BSN: variants seen among roughly 807,000 people sequenced by gnomAD.
BSN encodes the protein bassoon presynaptic cytomatrix protein.
In BSN, 57 loss-of-function variants were observed where a neutral mutation model predicts 264.8. The observed-to-expected ratio is 0.22, with a 90% CI of 0.17 to 0.27. The LOEUF (loss-of-function observed/expected upper bound fraction) is 0.27, where lower values mean the gene tolerates loss of function less well. BSN is among the 10% of genes least tolerant of loss of function. BSN has a pLI of 1.00. For synonymous variants in BSN, 2,059 were observed against 2,137.3 expected, an observed-to-expected ratio of 0.96 and a Z score of 1.01; for missense variants, 4,615 against 5,232.5, an observed-to-expected ratio of 0.88 and a Z score of 3.64.
At chr3:49,621,603 T>G (rs1453630194) in intron 1 of BSN, among the ~76,000 whole-genome samples, 1 of 151,802 alleles carries the variant, frequency 6.6e-6, no homozygotes, top group Non-Finnish European at 1.5e-5. Flanking sequence ...GATGTGGAGG[T>G]CCCTACTGAC....
chr3:49,605,318 T>TAA, intron 1 of BSN, among the ~76,000 whole-genome samples: 1 of 96,610 alleles, frequency 1.0e-5, no homozygotes, highest in South Asian at 2.6e-4. Context: ...TTATATTATA[T>TAA]ATATATATTT....
rs2052684647 is a variant in BSN at position 49,663,561 on chromosome 3, A to G, written c.11403A>G (p.Gln3801=). 1.2e-6 allele frequency: 2 copies of G among 1,607,582 alleles called. No individual in the cohort carries two copies. The highest frequency in any genetic ancestry group is 1.7e-6 in the Non-Finnish European group (2 of 1,178,516). The change falls in exon 7 of 12, where the codon CAA becomes CAG. Residue 3801 remains glutamine (Q), a synonymous_variant. Transcript: ENST00000296452. ...CTCTGACACAGGCTCGGCTGCAGCA[A>G]CAGAGCCAGCCAACCACCCGGGGCT... The part of the protein sequence containing the change: ...QQALTQARLQ[Q]QSQPTTRGSA...
Position 49,664,006 on chromosome 3 carries a change from G to A in BSN, c.11608+120G>A, listed in dbSNP as rs575734600. 50 of 985,392 alleles carry A rather than the reference G, an allele frequency of 5.1e-5. No individual in the cohort carries two copies. The African/African-American group carries it at 7.5e-4, about 15-fold the overall frequency. 61.0% of individuals were successfully genotyped at this position (985,392 alleles called of 1,614,324 possible). A position where few individuals can be genotyped will look rare whatever the true frequency, so the allele number is the denominator to read the frequency against. On this transcript the variant is annotated intron_variant, in intron 8 of 11. Coordinates refer to ENST00000296452, the MANE Select transcript of BSN (RefSeq NM_003458.4). Reference sequence around the variant, plus strand: ...TGCCCTCACTAATCCCTGAGAAGGTGCCCCAGGGGCTGTAGACCTCCCCAG... The same window carrying A: ...TGCCCTCACTAATCCCTGAGAAGGTACCCCAGGGGCTGTAGACCTCCCCAG...
At chr3:49,577,543 T>TTCC (rs2051855300) in intron 1 of BSN, among the ~76,000 whole-genome samples, 2 of 143,320 alleles carry the variant, frequency 1.4e-5, no homozygotes, top group Admixed American at 7.1e-5. Context: ...CTTTTCTTTC[T>TTCC]TTTTTTTTTT....
Position 49,655,716 on chromosome 3 carries a change from C to T in BSN, c.6160C>T (p.His2054Tyr). The T allele has an allele frequency of 6.2e-7, 1 of 1,613,562 alleles. No individual in the cohort carries two copies. The highest frequency in any genetic ancestry group is 8.5e-7 in the Non-Finnish European group (1 of 1,180,042). ...DLRHPTDLLA[H>Y]PLPMRRYSSV... ...GCGTCATCCTACAGACCTTTTGGCT[C>T]ACCCGCTTCCCATGCGGCGCTATAG... Residue 2054 changes from histidine (H) to tyrosine (Y), a missense_variant, in exon 5 of 12, where the codon CAC (histidine) becomes TAC (tyrosine). Physicochemically the swap from His to Tyr is moderately conservative, Grantham distance 83. Around this residue, in one of 3 missense-constraint regions of BSN, gnomAD observed 3,415 missense variants for 3,866.4 expected, o/e 0.88. Coordinates refer to ENST00000296452, the MANE Select transcript of BSN (RefSeq NM_003458.4).
intron 1 of BSN, among the ~76,000 whole-genome samples, chr3:49,559,152 C>G (rs1334484372): frequency 1.3e-5 from 2 of 152,156 alleles, no homozygotes; most frequent in African/African-American, 4.8e-5. Flanking sequence ...GTCTCAAACT[C>G]CTGAGCTCAG....
intron 1 of BSN, among the ~76,000 whole-genome samples, chr3:49,587,834 A>G (rs1236208756): frequency 1.3e-5 from 2 of 151,884 alleles, no homozygotes; most frequent in Non-Finnish European, 2.9e-5. Flanking sequence ...CTCATCTGCC[A>G]TGCAAAAGGA....
chr3:49,652,955 C>T lies in BSN; in HGVS notation c.3399C>T (p.Asp1133=), dbSNP rs766869788. The change falls in exon 5 of 12, where the codon GAC becomes GAT. Residue 1133 remains aspartate, a synonymous_variant. Transcript: ENST00000296452. ...CSEYSPSPSL[D]SEAEALDGGP... is the part of the protein sequence containing the mutation. ...AGTACTCACCCTCACCCTCCCTTGA[C>T]TCTGAGGCTGAGGCCTTGGATGGTG... 3 of 1,611,750 alleles carry T rather than the reference C, an allele frequency of 1.9e-6. No individual in the cohort carries two copies. The highest frequency in any genetic ancestry group is 2.5e-6 in the Non-Finnish European group (3 of 1,178,966).
rs1172278259 is a variant in BSN, at chr3:49,653,362, G to C, written c.3806G>C (p.Arg1269Pro). ...CTTCAGACATCACAGAGCATAGTCC[G>C]CATGCGGCAGGCCTCCTCACGAGAC... ...EILQTSQSIV[R>P]MRQASSRDLA... is the part of the protein sequence containing the mutation. The change falls in exon 5 of 12, where the codon CGC becomes CCC. Residue 1269 changes from arginine to proline, a missense_variant. Around this residue, in one of 3 missense-constraint regions of BSN, gnomAD observed 3,415 missense variants for 3,866.4 expected, o/e 0.88. Coordinates refer to ENST00000296452, the MANE Select transcript of BSN (RefSeq NM_003458.4). This position sits in a 1 kb window ranked among gnomAD's most constrained non-coding sequence, Gnocchi z 6.3. The C allele has an allele frequency of 1.5e-5, 25 of 1,613,202 alleles. No homozygotes were observed. Among genetic ancestry groups the C allele is most frequent in the Non-Finnish European group, 2.0e-5 (24 of 1,179,696 alleles).
At position 49,655,381 on chromosome 3, in the gene BSN, A is replaced by G. The variant is rs754431694; in HGVS notation, c.5825A>G (p.Tyr1942Cys). 28 of 1,584,176 alleles carry G rather than the reference A, an allele frequency of 1.8e-5. No homozygotes were observed. Among genetic ancestry groups the G allele is most frequent in the East Asian group, 6.7e-5 (3 of 44,674 alleles). Reference protein sequence around the residue: ...APPGQSSSPFYGPRDPEPPEP... With the variant: ...APPGQSSSPFCGPRDPEPPEP... The stretch of plus-strand genomic sequence containing the variant: ...CCTGGCCAAAGCAGCAGCCCCTTCT[A>G]TGGTCCCCGGGACCCTGAGCCTCCT... Residue 1942 changes from tyrosine to cysteine, a missense_variant, in exon 5 of 12, where the codon TAT (tyrosine) becomes TGT (cysteine). This residue lies in a region of BSN where 3,415 missense variants were observed against 3,866.4 expected (regional missense o/e 0.88). Transcript: ENST00000296452.
At chr3:49,564,433 C>A (rs1347795435) in intron 1 of BSN, among the ~76,000 whole-genome samples, 1 of 152,220 alleles carries the variant, frequency 6.6e-6, no homozygotes, top group Non-Finnish European at 1.5e-5. Context: ...TCCTTTCCAA[C>A]CTAGTGAGAC....
At position 49,660,129 on chromosome 3, in the gene BSN, T is replaced by C. The variant is rs560315945; in HGVS notation, c.8641-357T>C. Among the ~76,000 whole-genome samples the C allele has an allele frequency of 6.6e-6, 1 of 152,246 alleles. No homozygotes were observed. Among genetic ancestry groups the C allele is most frequent in the South Asian group, 2.1e-4 (1 of 4,822 alleles). ...ACCCAGAGCCACAGCTGTACTCTTC[T>C]TACCTCAATGTGAGGCAGAGGGTGG... On this transcript the variant is annotated intron_variant, in intron 5 of 11. Transcript: ENST00000296452. This position sits in a 1 kb window ranked among gnomAD's most constrained non-coding sequence, Gnocchi z 7.1.
chr3:49,671,951 C>T (rs550563499), downstream of BSN, among the ~76,000 whole-genome samples: 3 of 150,626 alleles, frequency 2.0e-5, no homozygotes, highest in Non-Finnish European at 4.4e-5. The surrounding 1 kb of genome is among the most constrained non-coding windows in gnomAD (Gnocchi z 4.1). Context: ...AAACTCTCAC[C>T]GGCTGCCAGA....
chr3:49,611,018 C>T (rs369170291), intron 1 of BSN, among the ~76,000 whole-genome samples: 1 of 152,144 alleles, frequency 6.6e-6, no homozygotes, highest in East Asian at 1.9e-4. Flanking sequence ...CCAGGCAGCC[C>T]CTAAGGGCAG....
In BSN at chr3:49,654,372, C is replaced by T; in HGVS notation, c.4816C>T (p.Pro1606Ser). 1 of 1,608,950 alleles carries T rather than the reference C, an allele frequency of 6.2e-7. No individual in the cohort carries two copies. Among genetic ancestry groups the T allele is most frequent in the Non-Finnish European group, 8.5e-7 (1 of 1,178,066 alleles). The change falls in exon 5 of 12, where the codon CCC becomes TCC. Residue 1606 changes from proline to serine, a missense_variant. By Grantham distance (74) the Pro-to-Ser change is moderately conservative (BLOSUM62 -1). Transcript: ENST00000296452. The surrounding 1 kb of genome is among the most constrained non-coding windows in gnomAD (Gnocchi z 4.1). ...QTTPPSVSQL[P>S]PEPPGPPGFP... is the part of the protein sequence containing the mutation. ...AACACCTCCGAGTGTGTCTCAGCTGCCCCCAGAGCCACCTGGGCCACCTGG... is the reference window on the plus strand; with the variant it reads ...AACACCTCCGAGTGTGTCTCAGCTGTCCCCAGAGCCACCTGGGCCACCTGG...
chr3:49,571,727 A>T (rs1433284555), intron 1 of BSN, among the ~76,000 whole-genome samples: 4 of 152,170 alleles, frequency 2.6e-5, no homozygotes, highest in African/African-American at 9.7e-5. Flanking sequence ...AAACAAGCCG[A>T]CATGTTCTAG....
Position 49,642,897 on chromosome 3 carries a change from T to A in BSN, c.1263T>A (p.Gly421=). 1 of 1,613,218 alleles carries A rather than the reference T, an allele frequency of 6.2e-7. No homozygotes were observed. Among genetic ancestry groups the A allele is most frequent in the South Asian group, 1.1e-5 (1 of 91,058 alleles). Residue 421 remains glycine (G), a synonymous_variant, in exon 3 of 12, where the codon GGT becomes GGA. Transcript: ENST00000296452. This position sits in a 1 kb window ranked among gnomAD's most constrained non-coding sequence, Gnocchi z 7.0. ...AAACTGAGCCTGGGGCTAGAATGGG[T>A]CCTGGATCTGGACCTGGAGCCCTGC... ...GAKTEPGARM[G]PGSGPGALPK...
rs751617139 is a variant in BSN, at chr3:49,652,185, G to T, written c.2629G>T (p.Gly877Cys). Reference protein sequence around the residue: ...RGLAKHGTQKGGPRPRPEPSQ... With the variant: ...RGLAKHGTQKCGPRPRPEPSQ... ...CCTGGCCAAACATGGCACCCAGAAA[G>T]GTGGCCCCAGACCCAGGCCTGAGCC... The change falls in exon 5 of 12, where the codon GGT (glycine) becomes TGT (cysteine). Residue 877 changes from glycine to cysteine, a missense_variant. Transcript: ENST00000296452. 6.2e-7 allele frequency: 1 copy of T among 1,613,910 alleles called. No homozygotes were observed. Among genetic ancestry groups the T allele is most frequent in the Non-Finnish European group, 8.5e-7 (1 of 1,179,906 alleles).
chr3:49,662,159 C>A lies in BSN; in HGVS notation c.10314C>A (p.Gly3438=). 6.2e-7 allele frequency: 1 copy of A among 1,611,828 alleles called. No individual in the cohort carries two copies. The highest frequency in any genetic ancestry group is 8.5e-7 in the Non-Finnish European group (1 of 1,179,698). The change falls in exon 6 of 12, where the codon GGC becomes GGA. Residue 3438 remains glycine (G), a synonymous_variant. Transcript: ENST00000296452. ...CAGTGGAGGACGACCGCATTTATGG[C>A]GGGAGCAGCCGGTCCCGGGCACCTT... The part of the protein sequence containing the change: ...RDAVEDDRIY[G]GSSRSRAPSA...
Sources: allele counts gnomAD v4.1 joint callset (sites outside exome capture counted in the v4.1 genomes callset), GRCh38; gene constraint gnomAD v4.1.1; regional missense constraint gnomAD v4.1.1; non-coding constraint Gnocchi (gnomAD v3.1); transcripts MANE v1.5; gene names NCBI Gene and HGNC (gene_info 2026-07-23, HGNC 2026-07-21).